Variants in PSKH1 observed in about 807,000 individuals in gnomAD.
PSKH1 encodes protein serine kinase H1.
A neutral mutation model predicts 26.7 loss-of-function variants in PSKH1; 12 were observed. The ratio of observed to expected loss-of-function variants is 0.45; its 90% CI spans 0.29 to 0.73. The LOEUF is 0.73. Among genes scored for constraint, PSKH1 ranks in the 30% least tolerant of loss-of-function variants. The pLI, the probability that PSKH1 is intolerant of heterozygous loss-of-function variation, is 0.11. For missense variants in PSKH1, 431 were observed against 595.2 expected (o/e 0.72, Z 2.87); for synonymous variants, 213 against 234.3 (o/e 0.91, Z 0.83).
intron 1 of PSKH1, among the ~76,000 whole-genome samples, chr16:67,902,784 G>A (rs1351273727): frequency 6.6e-6 from 1 of 151,838 alleles, no homozygotes; most frequent in Non-Finnish European, 1.5e-5. Context: ...TACTCATGCA[G>A]TTTGTCTTGC....
intron 2 of PSKH1, chr16:67,910,018 G>A: frequency 2.0e-6 from 1 of 496,030 alleles, no homozygotes; most frequent in South Asian, 4.3e-5. Context: ...GCCACTGTGG[G>A]CCACTGGGAA....
chr16:67,896,229 C>G (rs1443480063), intron 1 of PSKH1, among the ~76,000 whole-genome samples: 1 of 152,086 alleles, frequency 6.6e-6, no homozygotes, highest in African/African-American at 2.4e-5. Context: ...CTGTCTCAGC[C>G]TCCTCAGTAG....
In PSKH1 at chr16:67,909,737, T is replaced by C. The variant is rs1338747756; in HGVS notation, c.957+31T>C. ...TCTGTCCTGCCCCTGTCCTGGATGT[T>C]GGGGAGGCACCTGCGGGGGCAGGTA... On this transcript the variant is annotated intron_variant, in intron 2 of 2. Transcript: ENST00000291041. The surrounding 1 kb of genome is among the most constrained non-coding windows in gnomAD (Gnocchi z 7.8). 2.5e-6 allele frequency: 4 copies of C among 1,589,202 alleles called. No homozygotes were observed. The highest frequency in any genetic ancestry group is 3.4e-6 in the Non-Finnish European group (4 of 1,168,082).
chr16:67,916,476 G>A (rs377314338), intron 2 of PSKH1, among the ~76,000 whole-genome samples: 9 of 152,288 alleles, frequency 5.9e-5, no homozygotes, highest in African/African-American at 1.9e-4. Context: ...GAAGGAGGAG[G>A]CCCAGAGAAG....
intron 2 of PSKH1, among the ~76,000 whole-genome samples, chr16:67,914,819 C>G (rs1229568905): frequency 6.6e-6 from 1 of 152,102 alleles, no homozygotes; most frequent in Non-Finnish European, 1.5e-5. Flanking sequence ...GTTCTGGGAG[C>G]ACTGCATGGT....
At chr16:67,906,986 C>A (rs1219766237) in intron 1 of PSKH1, among the ~76,000 whole-genome samples, 1 of 150,430 alleles carries the variant, frequency 6.6e-6, no homozygotes, top group Non-Finnish European at 1.5e-5. Flanking sequence ...TTTTTTGAGA[C>A]GGAGTCTCAC....
At chr16:67,907,623 A>G (rs1167768409) in intron 1 of PSKH1, among the ~76,000 whole-genome samples, 1 of 152,164 alleles carries the variant, frequency 6.6e-6, no homozygotes, top group Non-Finnish European at 1.5e-5. Context: ...CAGTGTGCTG[A>G]GGCTTGTGGT....
intron 2 of PSKH1, among the ~76,000 whole-genome samples, chr16:67,926,946 A>C (rs1345218564): frequency 6.6e-6 from 1 of 152,110 alleles, no homozygotes; most frequent in African/African-American, 2.4e-5. Context: ...CAGAGATTGG[A>C]GCTTCAATCT....
chr16:67,924,680 G>A (rs999466412), intron 2 of PSKH1, among the ~76,000 whole-genome samples: 1 of 152,248 alleles, frequency 6.6e-6, no homozygotes, highest in Non-Finnish European at 1.5e-5. Flanking sequence ...ACCCTGGGCT[G>A]TCAGCCCTGT....
intron 1 of PSKH1, among the ~76,000 whole-genome samples, chr16:67,899,719 C>T (rs1043409759): frequency 6.6e-6 from 1 of 151,894 alleles, no homozygotes; most frequent in African/African-American, 2.4e-5. Flanking sequence ...GTGATCTCGG[C>T]TCACTGCAAC....
Position 67,908,961 on chromosome 16 carries a change from C to T in PSKH1, c.212C>T (p.Thr71Met), listed in dbSNP as rs753168298. 2.9e-5 allele frequency: 46 copies of T among 1,613,850 alleles called. No homozygotes were observed. Among genetic ancestry groups the T allele is most frequent in the Non-Finnish European group, 3.4e-5 (40 of 1,179,862 alleles). Residue 71 changes from threonine (T) to methionine (M), a missense_variant, in exon 2 of 3, where the codon ACG becomes ATG. Thr to Met is a moderately conservative substitution (Grantham distance 81). Transcript: ENST00000291041. ...PCPGPPTAGH[T>M]EPPSEPPRRA... The stretch of plus-strand genomic sequence containing the variant: ...CCCGGTCCCCCGACTGCTGGCCACA[C>T]GGAGCCTCCCTCAGAACCACCACGC...
At chr16:67,904,232 C>T (rs994847450) in intron 1 of PSKH1, among the ~76,000 whole-genome samples, 103 of 146,490 alleles carry the variant, frequency 7.0e-4, no homozygotes, top group African/African-American at 2.5e-3. Flanking sequence ...GACTGAGTCT[C>T]ACTCTGTCAC....
chr16:67,915,208 A>AGAGTGTGTGT (rs1479412956), intron 2 of PSKH1, among the ~76,000 whole-genome samples: 2 of 143,896 alleles, frequency 1.4e-5, no homozygotes, highest in East Asian at 2.0e-4. Flanking sequence ...AGAGAGAGAG[A>AGAGTGTGTGT]GTGTGTGTGT....
Position 67,909,341 on chromosome 16 carries a change from G to A in PSKH1, c.592G>A (p.Val198Met), listed in dbSNP as rs1432318624. 1 of 1,614,026 alleles carries A rather than the reference G, an allele frequency of 6.2e-7. No homozygotes were observed. The highest frequency in any genetic ancestry group is 1.1e-5 in the South Asian group (1 of 91,072). The change falls in exon 2 of 3, where the codon GTG (valine) becomes ATG (methionine). Residue 198 changes from valine to methionine, a missense_variant. Physicochemically the swap from Val to Met is conservative, Grantham distance 21. Transcript: ENST00000291041. The surrounding 1 kb of genome is among the most constrained non-coding windows in gnomAD (Gnocchi z 7.8). The stretch of plus-strand genomic sequence containing the variant: ...CTTCACCGAGCGTGACGCCACGCGG[G>A]TGCTGCAGATGGTGCTGGATGGCGT... ...GSFTERDATRVLQMVLDGVRY... is the reference protein window; with the variant it reads ...GSFTERDATRMLQMVLDGVRY...
Position 67,928,605 on chromosome 16 carries a change from C to CCTTTTCCCTTCAGGCT in PSKH1, c.*966_*981dup, listed in dbSNP as rs893305355. 2.0e-5 allele frequency: 3 copies of CCTTTTCCCTTCAGGCT among 152,654 alleles called. No homozygotes were observed. The highest frequency in any genetic ancestry group is 2.9e-5 in the Non-Finnish European group (2 of 68,216). 9.5% of individuals were successfully genotyped at this position (152,654 alleles called of 1,614,324 possible). ...TCTATCCTTTGGTGCAGCCCCATTG[C>CCTTTTCCCTTCAGGCT]CTTTTCCCTTCAGGCTCTGTTGCTC... On this transcript the variant is annotated 3_prime_UTR_variant, in exon 3 of 3. Transcript: ENST00000291041. This position sits in a 1 kb window ranked among gnomAD's most constrained non-coding sequence, Gnocchi z 4.8.
chr16:67,924,116 C>T (rs1364457380), intron 2 of PSKH1, among the ~76,000 whole-genome samples: 1 of 152,216 alleles, frequency 6.6e-6, no homozygotes. Context: ...CCTGACTTTC[C>T]TCTGTGTACA....
At chr16:67,904,039 G>A (rs1279267753) in intron 1 of PSKH1, among the ~76,000 whole-genome samples, 1 of 144,732 alleles carries the variant, frequency 6.9e-6, no homozygotes, top group Admixed American at 7.0e-5. Flanking sequence ...TTTTTGAGAC[G>A]GAGTCTTGCT....
rs777852511 is a variant in PSKH1, at chr16:67,927,601, C to T, written c.1234C>T (p.Arg412Trp). 3.2e-5 allele frequency: 52 copies of T among 1,611,174 alleles called. No homozygotes were observed. The highest frequency in any genetic ancestry group is 1.6e-4 in the Middle Eastern group (1 of 6,082). ...KSRRVREREL[R>W]ELNLRYQQQY... ...ACGCCGTGTGCGGGAACGGGAGCTG[C>T]GGGAGCTCAACCTGCGCTACCAGCA... is the stretch of plus-strand genomic sequence containing the variant. The change falls in exon 3 of 3, where the codon CGG becomes TGG. Residue 412 changes from arginine to tryptophan, a missense_variant. Coordinates refer to ENST00000291041, the MANE Select transcript of PSKH1 (RefSeq NM_006742.3). This position sits in a 1 kb window ranked among gnomAD's most constrained non-coding sequence, Gnocchi z 5.5.
intron 1 of PSKH1, among the ~76,000 whole-genome samples, chr16:67,895,852 A>G (rs1434494373): frequency 6.6e-6 from 1 of 151,062 alleles, no homozygotes; most frequent in African/African-American, 2.5e-5. Context: ...TCTCATGCCT[A>G]GAAGCATGGG....
Sources: allele counts gnomAD v4.1 joint callset (sites outside exome capture counted in the v4.1 genomes callset), GRCh38; gene constraint gnomAD v4.1.1; non-coding constraint Gnocchi (gnomAD v3.1); transcripts MANE v1.5; gene names NCBI Gene and HGNC (gene_info 2026-07-23, HGNC 2026-07-21).